CEP85L: variants seen among roughly 807,000 people sequenced by gnomAD.
CEP85L encodes centrosomal protein of 85 kDa-like.
Under a neutral mutation model 100.3 loss-of-function variants are expected in CEP85L, and 60 were observed. The ratio of observed to expected loss-of-function variants is 0.60; its 90% CI spans 0.49 to 0.74. The LOEUF (loss-of-function observed/expected upper bound fraction) is 0.74. Among genes scored for constraint, CEP85L ranks in the 30% least tolerant of loss-of-function variants. The pLI is 0.00. For synonymous variants in CEP85L, 319 were observed against 322.7 expected, an observed-to-expected ratio of 0.99 and a Z score of 0.12; for missense variants, 973 against 936.2, an observed-to-expected ratio of 1.04 and a Z score of -0.51.
At chr6:118,607,874 G>C (rs950515247) in intron 2 of CEP85L, among the ~76,000 whole-genome samples, 3 of 152,176 alleles carry the variant, frequency 2.0e-5, no homozygotes, top group African/African-American at 7.2e-5. Flanking sequence ...TTTGGGTCAG[G>C]GGTTTCTGCA....
intron 2 of CEP85L, among the ~76,000 whole-genome samples, chr6:118,567,209 A>ATGTG (rs68047463): frequency 1.0e-4 from 9 of 89,678 alleles, no homozygotes; most frequent in East Asian, 8.8e-4. Flanking sequence ...ATATATATGT[A>ATGTG]TGTGTGTGTG....
intron 2 of CEP85L, among the ~76,000 whole-genome samples, chr6:118,587,634 C>T (rs766401222): frequency 5.9e-5 from 9 of 151,982 alleles, no homozygotes; most frequent in Admixed American, 2.6e-4. Context: ...AATTCCAGAC[C>T]CTTGTATGAT....
intron 4 of CEP85L, among the ~76,000 whole-genome samples, chr6:118,519,141 G>A (rs1484508950): frequency 6.6e-6 from 1 of 152,020 alleles, no homozygotes; most frequent in Non-Finnish European, 1.5e-5. Context: ...AATTATCTCA[G>A]CCTCCACTTT....
intron 2 of CEP85L, among the ~76,000 whole-genome samples, chr6:118,576,689 G>A (rs2115053443): frequency 6.6e-6 from 1 of 152,248 alleles, no homozygotes; most frequent in East Asian, 1.9e-4. Flanking sequence ...TGGGGGTTAT[G>A]GTCTCAGTGG....
chr6:118,590,849 T>G (rs1378909155), intron 2 of CEP85L, among the ~76,000 whole-genome samples: 1 of 152,226 alleles, frequency 6.6e-6, no homozygotes, highest in Non-Finnish European at 1.5e-5. Flanking sequence ...TATTAAACTC[T>G]CTCTGCTCCT....
Position 118,501,809 on chromosome 6 carries a change from T to TGAGAGAGA in CEP85L, c.1257+9481_1257+9488dup, listed in dbSNP as rs35783390. The TGAGAGAGA allele has an allele frequency of 3.8e-6, 4 of 1,064,944 alleles. No individual in the cohort carries two copies. The African/African-American group carries it at 4.8e-5, about 13-fold the overall frequency. The allele number at this position is 1,064,944 out of a possible 1,614,324, so 66.0% of individuals were successfully genotyped here. ...AGTGGGGAGGATGGAGGCTGCTGGCTGAGAGAGAGAGAGAGAGAGAGAGGA... is the reference window on the plus strand; with the variant it reads ...AGTGGGGAGGATGGAGGCTGCTGGCTGAGAGAGAGAGAGAGAGAGAGAGAGAGAGAGGA... On this transcript the variant is annotated intron_variant, in intron 5 of 12. Transcript: ENST00000368491.
intron 10 of CEP85L, among the ~76,000 whole-genome samples, chr6:118,472,538 A>C (rs1244820144): frequency 6.6e-6 from 1 of 152,154 alleles, no homozygotes; most frequent in Non-Finnish European, 1.5e-5. Context: ...AATTGTATTA[A>C]GATATGTTTA....
chr6:118,683,497 A>G (rs979540629), intron 1 of CEP85L, among the ~76,000 whole-genome samples: 1 of 152,208 alleles, frequency 6.6e-6, no homozygotes, highest in Non-Finnish European at 1.5e-5. Flanking sequence ...GCAAACTACA[A>G]CGAATCTTCC....
intron 5 of CEP85L, among the ~76,000 whole-genome samples, chr6:118,497,026 C>T (rs1268575953): frequency 6.6e-6 from 1 of 152,172 alleles, no homozygotes; most frequent in East Asian, 1.9e-4. Flanking sequence ...TCACCTATCT[C>T]AGCTTTTTAA....
chr6:118,494,817 G>C (rs939627426), intron 5 of CEP85L, among the ~76,000 whole-genome samples: 1 of 152,128 alleles, frequency 6.6e-6, no homozygotes, highest in Non-Finnish European at 1.5e-5. Context: ...GCAGTTTGAA[G>C]AGACCACAAA....
At chr6:118,665,494 GA>G (rs1193559891) in intron 1 of CEP85L, among the ~76,000 whole-genome samples, 6 of 151,956 alleles carry the variant, frequency 3.9e-5, no homozygotes, top group Non-Finnish European at 8.8e-5. Context: ...AAGTAGCTGG[GA>G]CTACAGGTGT....
chr6:118,700,952 C>T (rs1367504225), intron 1 of CEP85L, among the ~76,000 whole-genome samples: 1 of 152,164 alleles, frequency 6.6e-6, no homozygotes, highest in Admixed American at 6.5e-5. Context: ...GTTCTGCTCT[C>T]TGGGAATTAG....
At chr6:118,707,494 T>C (rs1177561774) in intron 1 of CEP85L, among the ~76,000 whole-genome samples, 1 of 152,140 alleles carries the variant, frequency 6.6e-6, no homozygotes, top group African/African-American at 2.4e-5. Flanking sequence ...GCACCTGGCC[T>C]TACCTCATTC....
upstream of CEP85L, chr6:118,652,843 A>G (rs1174485073): frequency 1.2e-6 from 1 of 844,842 alleles, no homozygotes; most frequent in African/African-American, 1.7e-5. Context: ...ATGAAAGACG[A>G]ATGTGATTGG....
intron 1 of CEP85L, among the ~76,000 whole-genome samples, chr6:118,689,179 C>T (rs1776947688): frequency 6.6e-6 from 1 of 152,184 alleles, no homozygotes; most frequent in Non-Finnish European, 1.5e-5. Flanking sequence ...TCAACCTCTG[C>T]TTTCAGGGGA....
chr6:118,487,666 T>C (rs1774279516), intron 6 of CEP85L, among the ~76,000 whole-genome samples: 1 of 152,184 alleles, frequency 6.6e-6, no homozygotes, highest in African/African-American at 2.4e-5. Flanking sequence ...ACCCCAACTT[T>C]TCTGGGTGCT....
chr6:118,553,790 A>G (rs1205989773), intron 3 of CEP85L, among the ~76,000 whole-genome samples: 1 of 152,110 alleles, frequency 6.6e-6, no homozygotes, highest in Non-Finnish European at 1.5e-5. Flanking sequence ...ATATCTCTGT[A>G]TTTCACAAAT....
chr6:118,681,937 C>A (rs549537282), intron 1 of CEP85L, among the ~76,000 whole-genome samples: 1 of 151,920 alleles, frequency 6.6e-6, no homozygotes, highest in Non-Finnish European at 1.5e-5. Context: ...GACGGGGTTT[C>A]GCCATGTTGC....
intron 1 of CEP85L, among the ~76,000 whole-genome samples, chr6:118,690,957 A>G (rs1777020289): frequency 6.6e-6 from 1 of 151,920 alleles, no homozygotes; most frequent in Non-Finnish European, 1.5e-5. Context: ...TTATCACACC[A>G]CTGCATTCCC....
Sources: gnomAD v4.1 joint callset for allele counts (sites outside exome capture counted in the v4.1 genomes callset) on GRCh38, gnomAD v4.1.1 for gene constraint, MANE v1.5 for transcripts, NCBI Gene and HGNC (gene_info 2026-07-23, HGNC 2026-07-21) for gene names.